The following FRAS1 variants were observed in gnomAD, a reference collection of about 807,000 sequenced individuals.
FRAS1 encodes the protein Fraser extracellular matrix complex subunit 1.
Under a neutral mutation model 435.2 loss-of-function variants are expected in FRAS1, and 290 were observed. That is an observed-to-expected ratio of 0.67 (90% CI 0.61 to 0.73). The LOEUF is 0.73. Among genes scored for constraint, FRAS1 ranks in the 30% least tolerant of loss-of-function variants. The pLI is 0.00. For synonymous variants in FRAS1, 1,800 were observed against 1,851.0 expected (o/e 0.97, Z 0.71); for missense variants, 4,860 against 5,001.5 (o/e 0.97, Z 0.85).
In FRAS1 at chr4:78,160,731, T is replaced by C. The variant is rs550431932; in HGVS notation, c.109-76779T>C. Among the ~76,000 whole-genome samples the C allele has an allele frequency of 1.9e-3, 291 of 152,326 alleles. 2 individuals are homozygous for C. The highest frequency in any genetic ancestry group is 3.5e-3 in the Non-Finnish European group (235 of 68,022). ...TTTAAAAACAATAAGGTAGAATGTA[T>C]TTCCATAATTAGAATACTTTATTTT... On this transcript the variant is annotated intron_variant, in intron 2 of 73. Coordinates refer to ENST00000512123, the MANE Select transcript of FRAS1 (RefSeq NM_025074.7).
chr4:78,130,821 G>T (rs1009250727), intron 2 of FRAS1, among the ~76,000 whole-genome samples: 29 of 152,290 alleles, frequency 1.9e-4, no homozygotes, highest in Admixed American at 1.8e-3. Context: ...GTGTTCTTAG[G>T]TCTCCTAGAA....
chr4:78,319,051 T>C (rs1729393866), intron 18 of FRAS1, 65 bp downstream of exon 18: 3 of 1,505,982 alleles, frequency 2.0e-6, no homozygotes, highest in Admixed American at 1.7e-5. Context: ...TCCTGTGAGG[T>C]GGGACCAAAG....
chr4:78,401,840 GA>G (rs1377239845), intron 30 of FRAS1, among the ~76,000 whole-genome samples: 2 of 100,258 alleles, frequency 2.0e-5, no homozygotes, highest in African/African-American at 6.1e-5. Context: ...GGTATTTTAT[GA>G]AAATTAATCT....
At chr4:78,339,126 T>C (rs902016526) in intron 20 of FRAS1, among the ~76,000 whole-genome samples, 1 of 152,200 alleles carries the variant, frequency 6.6e-6, no homozygotes, top group Non-Finnish European at 1.5e-5. Context: ...TAGTCAGGAC[T>C]GTCTTGGAAA....
intron 64 of FRAS1, among the ~76,000 whole-genome samples, chr4:78,512,076 C>T (rs1026527410): frequency 2.5e-4 from 38 of 152,128 alleles, no homozygotes; most frequent in African/African-American, 8.2e-4. Flanking sequence ...AAGAGGCACT[C>T]CTAAATATCT....
At chr4:78,154,868 A>C (rs1214926024) in intron 2 of FRAS1, among the ~76,000 whole-genome samples, 2 of 152,198 alleles carry the variant, frequency 1.3e-5, no homozygotes, top group Non-Finnish European at 2.9e-5. Flanking sequence ...ACAATCTAGC[A>C]GCAGATAATT....
intron 33 of FRAS1, 72 bp from the exon 34 acceptor site, chr4:78,421,791 C>T: frequency 1.3e-6 from 2 of 1,530,752 alleles, no homozygotes; most frequent in South Asian, 2.3e-5. Context: ...GAAGAGCAGG[C>T]TCTATGGCTC....
intron 2 of FRAS1, among the ~76,000 whole-genome samples, chr4:78,192,786 G>A (rs79709774): frequency 4.6e-5 from 7 of 152,170 alleles, no homozygotes; most frequent in East Asian, 1.9e-4. Context: ...GTTCTGCTAC[G>A]ATCTTAGTTA....
intron 3 of FRAS1, among the ~76,000 whole-genome samples, chr4:78,242,339 G>A (rs1725036842): frequency 6.6e-6 from 1 of 152,134 alleles, no homozygotes; most frequent in South Asian, 2.1e-4. Context: ...GTTTTCCTCT[G>A]GGCTTTCAAC....
In FRAS1 at chr4:78,415,456, G is replaced by A. The variant is rs1042905657; in HGVS notation, c.4425+2371G>A. ...TGTTTTCTAATTCAGTGGATCTGGT[G>A]TAGGGTCAAGAATTTGCATTTCTAA... On this transcript the variant is annotated intron_variant, in intron 32 of 73. Coordinates refer to ENST00000512123, the MANE Select transcript of FRAS1 (RefSeq NM_025074.7). 7.2e-5 allele frequency among the ~76,000 whole-genome samples: 11 copies of A among 152,346 alleles called. No individual in the cohort carries two copies. The South Asian group carries it at 1.7e-3, about 23-fold the overall frequency.
chr4:78,248,976 T>C (rs749409585), intron 4 of FRAS1, among the ~76,000 whole-genome samples: 10 of 148,610 alleles, frequency 6.7e-5, no homozygotes, highest in Non-Finnish European at 1.5e-4. Context: ...TTCCTTCATT[T>C]TACAGAGCTC....
At chr4:78,120,218 A>G (rs1217118416) in intron 2 of FRAS1, among the ~76,000 whole-genome samples, 1 of 152,176 alleles carries the variant, frequency 6.6e-6, no homozygotes, top group African/African-American at 2.4e-5. Flanking sequence ...AGTTTTCCCT[A>G]TAAATAACAA....
chr4:78,464,220 T>C, intron 48 of FRAS1, 75 bp downstream of exon 48: 1 of 1,522,462 alleles, frequency 6.6e-7, no homozygotes, highest in South Asian at 1.3e-5. Flanking sequence ...GTAGGCAGAG[T>C]GACTGGTGAG....
At chr4:78,200,102 T>A (rs954173125) in intron 2 of FRAS1, among the ~76,000 whole-genome samples, 1 of 152,210 alleles carries the variant, frequency 6.6e-6, no homozygotes, top group African/African-American at 2.4e-5. Context: ...TCATTCAATG[T>A]GAAGCAGTTG....
intron 71 of FRAS1, among the ~76,000 whole-genome samples, chr4:78,536,587 A>G (rs1659096054): frequency 6.6e-6 from 1 of 152,164 alleles, no homozygotes; most frequent in Admixed American, 6.5e-5. Flanking sequence ...TTATTACATG[A>G]GAGGACTTGG....
intron 29 of FRAS1, among the ~76,000 whole-genome samples, chr4:78,398,064 T>C (rs1018102083): frequency 2.0e-5 from 3 of 152,168 alleles, no homozygotes; most frequent in Admixed American, 2.0e-4. Flanking sequence ...AAAATTAGTG[T>C]TCTGTACAGG....
At chr4:78,169,785 A>G (rs1375644794) in intron 2 of FRAS1, among the ~76,000 whole-genome samples, 1 of 152,100 alleles carries the variant, frequency 6.6e-6, no homozygotes, top group African/African-American at 2.4e-5. Context: ...CTGAAACAAA[A>G]CTTGGGACAC....
chr4:78,181,214 C>T (rs1721986337), intron 2 of FRAS1: 5 of 1,609,454 alleles, frequency 3.1e-6, no homozygotes, highest in Admixed American at 1.7e-5. Flanking sequence ...AATAGCCTTC[C>T]ACTCATCCAA....
At chr4:78,085,306 C>T (rs964491298) in intron 2 of FRAS1, among the ~76,000 whole-genome samples, 14 of 152,118 alleles carry the variant, frequency 9.2e-5, no homozygotes, top group African/African-American at 3.4e-4. Context: ...TATGCATCGT[C>T]TGTTTATACC....
Sources: gnomAD v4.1 joint callset for allele counts (sites outside exome capture counted in the v4.1 genomes callset) on GRCh38, gnomAD v4.1.1 for gene constraint, MANE v1.5 for transcripts, NCBI Gene and HGNC (gene_info 2026-07-23, HGNC 2026-07-21) for gene names.